The following PIK3C2G variants were observed in gnomAD, a reference collection of about 807,000 sequenced individuals.
PIK3C2G encodes the protein phosphatidylinositol 3-kinase C2 domain-containing subunit gamma.
PIK3C2G carries 168 observed loss-of-function variants against 181.1 expected under a neutral mutation model. That is an observed-to-expected ratio of 0.93 (90% confidence interval 0.82 to 1.05). PIK3C2G has a LOEUF of 1.05. Among genes scored for constraint, PIK3C2G ranks in the 50% least tolerant of loss-of-function variants. The pLI is 0.00. For missense variants in PIK3C2G, 1,869 were observed against 1,732.8 expected (o/e 1.08, Z -1.40); for synonymous variants, 573 against 592.2 (o/e 0.97, Z 0.47).
the PIK3C2G span, among the ~76,000 whole-genome samples, chr12:18,664,340 T>C: frequency 2.0e-5 from 3 of 152,188 alleles, no homozygotes; most frequent in South Asian, 2.1e-4. Context: ...TATAGCAGCA[T>C]TGTTCTCAAT....
the PIK3C2G span, chr12:18,719,767 C>A: frequency 3.7e-6 from 2 of 541,170 alleles, no homozygotes; most frequent in Non-Finnish European, 6.0e-6. Flanking sequence ...AATATTAATA[C>A]TATATTTATG....
chr12:18,370,360 T>C (rs1941959413), intron 12 of PIK3C2G, among the ~76,000 whole-genome samples: 2 of 152,316 alleles, frequency 1.3e-5, no homozygotes, highest in South Asian at 4.1e-4. Flanking sequence ...TAGCCAATTT[T>C]ATTTGCTAGT....
chr12:18,427,481 G>A (rs945709353), intron 18 of PIK3C2G, among the ~76,000 whole-genome samples: 47 of 133,908 alleles, frequency 3.5e-4, no homozygotes, highest in Admixed American at 3.0e-3. Context: ...AGCCTGGGCT[G>A]ACAACAGCGA....
intron 2 of PIK3C2G, 25 bp from the exon 3 acceptor site, chr12:18,286,822 T>G: frequency 8.2e-7 from 1 of 1,221,368 alleles, no homozygotes; most frequent in Non-Finnish European, 1.1e-6. Flanking sequence ...CCAAATTATA[T>G]TAATTTAGTA....
At chr12:18,380,978 TATTAAA>T (rs1178860554) in intron 13 of PIK3C2G, among the ~76,000 whole-genome samples, 1 of 152,222 alleles carries the variant, frequency 6.6e-6, no homozygotes, top group African/African-American at 2.4e-5. Context: ...CAAGTTGGCA[TATTAAA>T]ATCCAACACT....
chr12:18,400,160 AT>A (rs1944165030), intron 16 of PIK3C2G, among the ~76,000 whole-genome samples: 1 of 152,180 alleles, frequency 6.6e-6, no homozygotes, highest in Non-Finnish European at 1.5e-5. Flanking sequence ...CAAACTAAAA[AT>A]GTCTTTAAAA....
intron 31 of PIK3C2G, among the ~76,000 whole-genome samples, chr12:18,615,925 A>G (rs1948591621): frequency 6.6e-6 from 1 of 152,112 alleles, no homozygotes; most frequent in African/African-American, 2.4e-5. Context: ...CAATCTAGCT[A>G]TAACCTACCT....
the PIK3C2G span, among the ~76,000 whole-genome samples, chr12:18,658,424 C>T: frequency 2.0e-5 from 3 of 151,956 alleles, no homozygotes; most frequent in Non-Finnish European, 4.4e-5. Context: ...GATAAAGAAT[C>T]GTAAAAGCAG....
intron 1 of PIK3C2G, among the ~76,000 whole-genome samples, chr12:18,248,396 C>A (rs1948062724): frequency 6.6e-6 from 1 of 151,986 alleles, no homozygotes; most frequent in African/African-American, 2.4e-5. Flanking sequence ...CACGGTGAAA[C>A]CCCGTCTCTA....
the PIK3C2G span, among the ~76,000 whole-genome samples, chr12:18,725,193 T>G: frequency 6.6e-6 from 1 of 152,096 alleles, no homozygotes; most frequent in Non-Finnish European, 1.5e-5. Context: ...GAAGATCTAA[T>G]TTTAGTAGAA....
At chr12:18,635,440 G>C (rs1020668550) in intron 31 of PIK3C2G, among the ~76,000 whole-genome samples, 1 of 152,172 alleles carries the variant, frequency 6.6e-6, no homozygotes, top group African/African-American at 2.4e-5. Flanking sequence ...TCATGAGTGA[G>C]ATGCCCATCC....
intron 3 of PIK3C2G, among the ~76,000 whole-genome samples, chr12:18,287,220 T>C (rs1446306946): frequency 6.6e-6 from 1 of 152,152 alleles, no homozygotes; most frequent in Non-Finnish European, 1.5e-5. Context: ...CAGTGAATTT[T>C]TTTTTTTGTT....
chr12:18,334,118 T>C (rs7310630), intron 8 of PIK3C2G, among the ~76,000 whole-genome samples: 3,484 of 152,256 alleles, frequency 0.023, 151 homozygotes, highest in African/African-American at 0.08. Context: ...ATAGTGCTGT[T>C]TTCAGTTTTC....
intron 30 of PIK3C2G, among the ~76,000 whole-genome samples, chr12:18,598,129 A>T (rs1947480664): frequency 6.6e-6 from 1 of 152,180 alleles, no homozygotes; most frequent in Non-Finnish European, 1.5e-5. Context: ...GACTTTCTTC[A>T]CAGAATTGGA....
intron 29 of PIK3C2G, among the ~76,000 whole-genome samples, chr12:18,587,801 T>A (rs1365405953): frequency 6.7e-6 from 1 of 150,052 alleles, no homozygotes; most frequent in Non-Finnish European, 1.5e-5. Context: ...GCCAACCCAA[T>A]CCTAAGCAAA....
At chr12:18,667,679 T>A in the PIK3C2G span, among the ~76,000 whole-genome samples, 2 of 152,334 alleles carry the variant, frequency 1.3e-5, no homozygotes, top group East Asian at 3.9e-4. Context: ...GCTACTGCTT[T>A]ACCCACAGCA....
intron 18 of PIK3C2G, among the ~76,000 whole-genome samples, chr12:18,487,529 G>T (rs1403342410): frequency 3.9e-5 from 6 of 151,964 alleles, no homozygotes; most frequent in Admixed American, 2.6e-4. Context: ...AAGATTAAAA[G>T]AATCAATTAG....
chr12:18,698,288 C>CTATTCTAT, the PIK3C2G span, among the ~76,000 whole-genome samples: 1 of 54,862 alleles, frequency 1.8e-5, no homozygotes, highest in African/African-American at 8.2e-5. Flanking sequence ...TTCTATTCTA[C>CTATTCTAT]TCCATTCCAT....
intron 16 of PIK3C2G, among the ~76,000 whole-genome samples, chr12:18,411,051 G>A (rs61914539): frequency 0.059 from 8,987 of 151,882 alleles, 387 homozygotes; most frequent in Non-Finnish European, 0.089. Flanking sequence ...TGTCTCCTTC[G>A]GTCTGAGATT....
Sources: gnomAD v4.1 joint callset for allele counts (sites outside exome capture counted in the v4.1 genomes callset) on GRCh38, gnomAD v4.1.1 for gene constraint, MANE v1.5 for transcripts, NCBI Gene and HGNC (gene_info 2026-07-23, HGNC 2026-07-21) for gene names.